The following FIGN variants were observed in gnomAD, a reference collection of about 807,000 sequenced individuals.
The protein encoded by FIGN is fidgetin.
In FIGN, 11 loss-of-function variants were observed where a neutral mutation model predicts 51.3. The ratio of observed to expected loss-of-function variants is 0.21; its 90% CI spans 0.13 to 0.35. The LOEUF (loss-of-function observed/expected upper bound fraction) is 0.35. FIGN is among the 10% of genes least tolerant of loss of function. FIGN has a pLI of 1.00. For synonymous variants in FIGN, 407 were observed against 363.2 expected (o/e 1.12, Z -1.37); for missense variants, 857 against 943.6 (o/e 0.91, Z 1.20).
At chr2:163,679,186 T>A (rs1684018702) in intron 2 of FIGN, among the ~76,000 whole-genome samples, 1 of 152,106 alleles carries the variant, frequency 6.6e-6, no homozygotes, top group Non-Finnish European at 1.5e-5. Context: ...GGAGTTATAA[T>A]GAATCTTAGA....
intron 2 of FIGN, among the ~76,000 whole-genome samples, chr2:163,669,928 C>A (rs1472301461): frequency 6.6e-6 from 1 of 152,040 alleles, no homozygotes; most frequent in African/African-American, 2.4e-5. Flanking sequence ...CGATCGTAAC[C>A]TACTAATGGT....
At chr2:163,635,361 A>G (rs1183082238) in intron 2 of FIGN, among the ~76,000 whole-genome samples, 1 of 152,206 alleles carries the variant, frequency 6.6e-6, no homozygotes, top group Non-Finnish European at 1.5e-5. Context: ...TGAACCTACG[A>G]GCTAGAGACC....
intron 2 of FIGN, among the ~76,000 whole-genome samples, chr2:163,632,387 C>G (rs1477064661): frequency 6.6e-6 from 1 of 152,144 alleles, no homozygotes; most frequent in Non-Finnish European, 1.5e-5. Flanking sequence ...CTCTACCATC[C>G]CATAGCATAA....
chr2:163,665,275 C>A (rs910948862), intron 2 of FIGN, among the ~76,000 whole-genome samples: 1 of 152,198 alleles, frequency 6.6e-6, no homozygotes, highest in African/African-American at 2.4e-5. Context: ...CATAGCCTTG[C>A]GGCTTAAGAG....
intron 2 of FIGN, among the ~76,000 whole-genome samples, chr2:163,623,428 AT>A (rs1683003989): frequency 6.6e-6 from 1 of 152,150 alleles, no homozygotes; most frequent in Non-Finnish European, 1.5e-5. Context: ...ATGAATGCTG[AT>A]TTCCTTAATT....
intron 2 of FIGN, among the ~76,000 whole-genome samples, chr2:163,667,065 A>G (rs1036716236): frequency 2.0e-5 from 3 of 151,986 alleles, no homozygotes; most frequent in African/African-American, 4.8e-5. Context: ...TGTATTCTCT[A>G]TTTTTGGTTA....
chr2:163,612,713 T>A, intron 2 of FIGN: 2 of 432,946 alleles, frequency 4.6e-6, no homozygotes, highest in Non-Finnish European at 6.1e-6. Context: ...TGTGTGTGTG[T>A]GTGTGTATTT....
At position 163,677,377 on chromosome 2, in the gene FIGN, T is replaced by C. The variant is rs183006066; in HGVS notation, c.25+57526A>G. 6.8e-3 allele frequency among the ~76,000 whole-genome samples: 1,033 copies of C among 152,354 alleles called. 11 individuals carry two copies. Among genetic ancestry groups the C allele is most frequent in the Non-Finnish European group, 0.011 (756 of 68,032 alleles). On this transcript the variant is annotated intron_variant, in intron 2 of 2. Coordinates refer to ENST00000333129, the MANE Select transcript of FIGN (RefSeq NM_018086.4). ...CACTGACTTCTCAATTAGCACAGAA[T>C]TCAGGGCTGCAATGGTGTAAATGGT... is the stretch of plus-strand genomic sequence containing the variant.
chr2:163,700,558 T>G (rs1684393260), intron 2 of FIGN, among the ~76,000 whole-genome samples: 1 of 152,128 alleles, frequency 6.6e-6, no homozygotes, highest in South Asian at 2.1e-4. Context: ...GAGGCTAGGT[T>G]GCAGCAATGT....
At chr2:163,664,497 T>C (rs1683741905) in intron 2 of FIGN, among the ~76,000 whole-genome samples, 1 of 152,188 alleles carries the variant, frequency 6.6e-6, no homozygotes, top group African/African-American at 2.4e-5. Flanking sequence ...ATTAGTTCTT[T>C]CCCCGTCTAT....
intron 2 of FIGN, among the ~76,000 whole-genome samples, chr2:163,673,026 A>C (rs1683902519): frequency 6.6e-6 from 1 of 152,152 alleles, no homozygotes; most frequent in Non-Finnish European, 1.5e-5. Flanking sequence ...ATCTCGTTAG[A>C]CTTTCTGATC....
rs548426533 is a variant in FIGN at position 163,674,033 on chromosome 2, A to G, written c.25+60870T>C. On this transcript the variant is annotated intron_variant, in intron 2 of 2. Coordinates refer to ENST00000333129, the MANE Select transcript of FIGN (RefSeq NM_018086.4). ...TCATTATCCTTATCTGGCACTTGGC[A>G]TCATTATAAAATGAATGGCTGAATG... Among the ~76,000 whole-genome samples, 23 of 152,336 alleles carry G rather than the reference A, an allele frequency of 1.5e-4. No homozygotes were observed. In the South Asian group the frequency reaches 2.9e-3, roughly 19 times the overall value.
chr2:163,614,826 A>T (rs2105301828), intron 2 of FIGN, among the ~76,000 whole-genome samples: 1 of 152,220 alleles, frequency 6.6e-6, no homozygotes, highest in South Asian at 2.1e-4. Flanking sequence ...ATTTTTTTAA[A>T]AAAACACAGG....
intron 2 of FIGN, among the ~76,000 whole-genome samples, chr2:163,708,573 T>C (rs1463419022): frequency 1.3e-5 from 2 of 152,164 alleles, no homozygotes; most frequent in Non-Finnish European, 2.9e-5. Flanking sequence ...TGAACTGTCA[T>C]AAAAGAGGAT....
chr2:163,613,597 C>T (rs543342503), intron 2 of FIGN, among the ~76,000 whole-genome samples: 48 of 152,308 alleles, frequency 3.2e-4, no homozygotes, highest in African/African-American at 1.1e-3. Context: ...CTGCACCAGA[C>T]ACTGGAAGTT....
chr2:163,683,947 A>C (rs1278982275), intron 2 of FIGN, among the ~76,000 whole-genome samples: 1 of 152,196 alleles, frequency 6.6e-6, no homozygotes, highest in African/African-American at 2.4e-5. Flanking sequence ...AGTTATACAT[A>C]ATATGATTTT....
At chr2:163,689,555 C>A (rs1684206429) in intron 2 of FIGN, among the ~76,000 whole-genome samples, 1 of 152,032 alleles carries the variant, frequency 6.6e-6, no homozygotes, top group South Asian at 2.1e-4. Flanking sequence ...TGGAAATTAT[C>A]AACCTTTTAT....
chr2:163,694,107 G>A (rs184476446), intron 2 of FIGN, among the ~76,000 whole-genome samples: 284 of 152,218 alleles, frequency 1.9e-3, no homozygotes, highest in Non-Finnish European at 3.5e-3. Flanking sequence ...ATATTCTGTA[G>A]GTCTAGGTTT....
chr2:163,669,531 A>G (rs1683842665), intron 2 of FIGN, among the ~76,000 whole-genome samples: 1 of 152,262 alleles, frequency 6.6e-6, no homozygotes, highest in African/African-American at 2.4e-5. Flanking sequence ...TATTGTCTGA[A>G]TAAACCTCTA....
Sources: allele counts gnomAD v4.1 joint callset (sites outside exome capture counted in the v4.1 genomes callset), GRCh38; gene constraint gnomAD v4.1.1; transcripts MANE v1.5; gene names NCBI Gene and HGNC (gene_info 2026-07-23, HGNC 2026-07-21).